Variants in LYST observed in about 807,000 individuals in gnomAD.
LYST encodes lysosomal-trafficking regulator.
In LYST, 192 loss-of-function variants were observed where a neutral mutation model predicts 413.6. The observed-to-expected ratio is 0.46, with a 90% CI of 0.41 to 0.52. The LOEUF (loss-of-function observed/expected upper bound fraction) is 0.52. Among genes scored for constraint, LYST ranks in the 20% least tolerant of loss-of-function variants. The probability of loss-of-function intolerance (pLI) is 0.00; values close to 1 mark genes in which losing one functional copy is unlikely to be tolerated. For missense variants in LYST, 3,815 were observed against 4,499.9 expected (o/e 0.85, Z 4.35); for synonymous variants, 1,525 against 1,567.3 (o/e 0.97, Z 0.64).
intron 43 of LYST, among the ~76,000 whole-genome samples, chr1:235,710,367 T>C (rs1558139643): frequency 6.6e-6 from 1 of 152,126 alleles, no homozygotes; most frequent in Non-Finnish European, 1.5e-5. Flanking sequence ...GTGTGTGGCT[T>C]CAGGAGCGGC....
chr1:235,875,594 A>G (rs775442899), intron 1 of LYST, among the ~76,000 whole-genome samples: 42 of 152,268 alleles, frequency 2.8e-4, no homozygotes, highest in Non-Finnish European at 5.0e-4. Flanking sequence ...GCCCCACACA[A>G]CTGCTTGGTT....
rs1364203420 is a variant in LYST at position 235,800,404 on chromosome 1, T to A, written c.3940-18A>T. On this transcript the variant is annotated intron_variant, in intron 9 of 52. Coordinates refer to ENST00000389793, the MANE Select transcript of LYST (RefSeq NM_000081.4). ...ACAGTTCCCTGAAGATTAAAAAAAA[T>A]ACAAAATTAAATTACTTACCTCACA... The A allele has an allele frequency of 7.1e-7, 1 of 1,409,646 alleles. No individual in the cohort carries two copies. Among genetic ancestry groups the A allele is most frequent in the Non-Finnish European group, 1.0e-6 (1 of 994,262 alleles). The allele number at this position is 1,409,646 out of a possible 1,614,324, so 87.3% of individuals were successfully genotyped here.
chr1:235,687,141 A>G, intron 47 of LYST, 94 bp from the exon 48 acceptor site: 1 of 882,076 alleles, frequency 1.1e-6, no homozygotes, highest in South Asian at 1.5e-5. Context: ...AAATACTTCT[A>G]CTTTTCTGAC....
intron 17 of LYST, among the ~76,000 whole-genome samples, chr1:235,776,630 C>A (rs1205954785): frequency 6.6e-6 from 1 of 151,838 alleles, no homozygotes; most frequent in African/African-American, 2.4e-5. Flanking sequence ...GTACTTATGG[C>A]CTGAGTCAAA....
chr1:235,845,812 T>C (rs1436200988), intron 1 of LYST, among the ~76,000 whole-genome samples: 1 of 151,632 alleles, frequency 6.6e-6, no homozygotes, highest in Admixed American at 6.6e-5. Context: ...CACCCCCAAT[T>C]CCCCACAGCA....
rs775923950 is a variant in LYST, at chr1:235,744,190, C to T, written c.7973-33G>A. ...TTGAAAAAAAGAATACAAAATTAGT[C>T]ATATCACTGCTATCTTGCCATTATA... On this transcript the variant is annotated intron_variant, in intron 29 of 52. Coordinates refer to ENST00000389793, the MANE Select transcript of LYST (RefSeq NM_000081.4). 6 of 1,122,412 alleles carry T rather than the reference C, an allele frequency of 5.3e-6. No homozygotes were observed. In the East Asian group the frequency reaches 7.1e-5, roughly 13 times the overall value. 69.5% of individuals were successfully genotyped at this position (1,122,412 alleles called of 1,614,324 possible). A position where few individuals can be genotyped will look rare whatever the true frequency, so the allele number is the denominator to read the frequency against.
At chr1:235,789,017 C>T (rs1336665606) in intron 12 of LYST, among the ~76,000 whole-genome samples, 172 bp from the exon 13 acceptor site, 1 of 152,046 alleles carries the variant, frequency 6.6e-6, no homozygotes, top group African/African-American at 2.4e-5. Flanking sequence ...TAGATGTTAA[C>T]TCCAAAAAAG....
intron 1 of LYST, among the ~76,000 whole-genome samples, chr1:235,850,658 C>T (rs1188005756): frequency 2.0e-5 from 3 of 152,056 alleles, no homozygotes; most frequent in Non-Finnish European, 2.9e-5. Flanking sequence ...CCAGAATCTA[C>T]AACAAACTCA....
At chr1:235,672,729 C>A (rs1487697108) in intron 50 of LYST, among the ~76,000 whole-genome samples, 1 of 152,128 alleles carries the variant, frequency 6.6e-6, no homozygotes. Flanking sequence ...ACTCGATTAC[C>A]ATGGACTAAG....
At chr1:235,805,475 C>G (rs1439093275) in intron 6 of LYST, among the ~76,000 whole-genome samples, 1 of 151,930 alleles carries the variant, frequency 6.6e-6, no homozygotes, top group Non-Finnish European at 1.5e-5. Context: ...CAGTATCACA[C>G]AAAAATTTAG....
chr1:235,838,759 C>G (rs1193935126), intron 1 of LYST, among the ~76,000 whole-genome samples: 2 of 152,166 alleles, frequency 1.3e-5, no homozygotes, highest in Admixed American at 6.6e-5. Context: ...AGTTCTGATA[C>G]AATCTCCTCC....
At position 235,766,271 on chromosome 1, in the gene LYST, T is replaced by C. The variant is rs1668136494; in HGVS notation, c.5929A>G (p.Lys1977Glu). Residue 1977 changes from lysine to glutamate, a missense_variant, in exon 21 of 53, where the codon AAA becomes GAA. By Grantham distance (56) the Lys-to-Glu change is moderately conservative. Around this residue, in one of 4 missense-constraint regions of LYST, gnomAD observed 530 missense variants for 696.5 expected, o/e 0.76. Transcript: ENST00000389793. Reference protein sequence around the residue: ...LLTCQVLQEYKEGQLTPMPRE... With the variant: ...LLTCQVLQEYEEGQLTPMPRE... Reference sequence around the variant, plus strand: ...GGCATGGGTGTGAGTTGCCCCTCTTTGTATTCCTGAAAAAATAAAAAAAAC... The same window carrying C: ...GGCATGGGTGTGAGTTGCCCCTCTTCGTATTCCTGAAAAAATAAAAAAAAC... The C allele has an allele frequency of 6.3e-7, 1 of 1,598,300 alleles. No individual in the cohort carries two copies. The highest frequency in any genetic ancestry group is 8.5e-7 in the Non-Finnish European group (1 of 1,174,636).
chr1:235,680,201 T>C (rs902220885), intron 48 of LYST, among the ~76,000 whole-genome samples: 2 of 152,168 alleles, frequency 1.3e-5, no homozygotes, highest in Non-Finnish European at 2.9e-5. Context: ...CTGAACAACT[T>C]TTTTAAGAAA....
At chr1:235,719,606 C>T (rs1663155325) in intron 40 of LYST, among the ~76,000 whole-genome samples, 1 of 146,884 alleles carries the variant, frequency 6.8e-6, no homozygotes, top group South Asian at 2.2e-4. Context: ...AAAGCTCACT[C>T]CTCTCAACCA....
chr1:235,788,286 A>G (rs906052395), intron 13 of LYST, among the ~76,000 whole-genome samples: 6 of 152,124 alleles, frequency 3.9e-5, no homozygotes, highest in Non-Finnish European at 7.4e-5. Context: ...CAGCCTCCCA[A>G]GTAGCTGGGA....
chr1:235,801,155 T>C, intron 8 of LYST, 58 bp from the exon 9 acceptor site: 1 of 1,100,108 alleles, frequency 9.1e-7, no homozygotes, highest in South Asian at 1.2e-5. Context: ...TATTTCAAAC[T>C]TCATTAATCA....
At chr1:235,754,603 T>G (rs1278893685) in intron 25 of LYST, among the ~76,000 whole-genome samples, 1 of 152,182 alleles carries the variant, frequency 6.6e-6, no homozygotes, top group Non-Finnish European at 1.5e-5. Context: ...TGATGCAGCT[T>G]TTATTTGTTT....
intron 39 of LYST, among the ~76,000 whole-genome samples, chr1:235,722,905 T>G (rs866382371): frequency 1.3e-5 from 2 of 152,174 alleles, no homozygotes; most frequent in Non-Finnish European, 2.9e-5. Flanking sequence ...CTAAGAAATA[T>G]GGCAATTTTT....
rs78336614 is a variant in LYST, at chr1:235,791,559, A to G, written c.4543+140T>C. 6 of 748,046 alleles carry G rather than the reference A, an allele frequency of 8.0e-6. No homozygotes were observed. The East Asian group carries it at 1.5e-4, about 19-fold the overall frequency. The allele number at this position is 748,046 out of a possible 1,614,324, so 46.3% of individuals were successfully genotyped here. On this transcript the variant is annotated intron_variant, in intron 12 of 52. Transcript: ENST00000389793. ...ACAACTCATGCTTTGATAAGTCAGG[A>G]CCTACCACCACTAAGTAAGGCATTT...
Sources: gnomAD v4.1 joint callset for allele counts (sites outside exome capture counted in the v4.1 genomes callset) on GRCh38, gnomAD v4.1.1 for gene constraint, gnomAD v4.1.1 regional missense constraint, MANE v1.5 for transcripts, NCBI Gene and HGNC (gene_info 2026-07-23, HGNC 2026-07-21) for gene names.